APIP: variants seen among roughly 807,000 people sequenced by gnomAD.
APIP encodes the protein methylthioribulose-1-phosphate dehydratase.
Under a neutral mutation model 32.0 loss-of-function variants are expected in APIP, and 32 were observed. The observed-to-expected ratio is 1.00, with a 90% confidence interval of 0.76 to 1.34. The LOEUF (loss-of-function observed/expected upper bound fraction) is 1.34, where lower values mean the gene tolerates loss of function less well. Among genes scored for constraint, APIP ranks in the 40% most tolerant of loss-of-function variants. The probability of loss-of-function intolerance (pLI) is 0.00; values close to 1 mark genes in which losing one functional copy is unlikely to be tolerated. For missense variants in APIP, 247 were observed against 298.6 expected, an observed-to-expected ratio of 0.83 and a Z score of 1.27; for synonymous variants, 92 against 94.8, an observed-to-expected ratio of 0.97 and a Z score of 0.17.
intron 2 of APIP, 107 bp from the exon 3 acceptor site, chr11:34,890,659 C>A (rs1034242977): frequency 8.7e-7 from 1 of 1,152,594 alleles, no homozygotes; most frequent in Non-Finnish European, 1.2e-6. Context: ...AGCAATACAG[C>A]CAGTTGCTTG....
At chr11:34,909,951 T>C (rs2133923349) in intron 1 of APIP, among the ~76,000 whole-genome samples, 1 of 152,278 alleles carries the variant, frequency 6.6e-6, no homozygotes, top group East Asian at 1.9e-4. Context: ...TGACTTCTAT[T>C]GTCTTCAGTA....
chr11:34,900,572 C>T (rs923344021), intron 1 of APIP, among the ~76,000 whole-genome samples: 3 of 152,082 alleles, frequency 2.0e-5, no homozygotes, highest in Non-Finnish European at 4.4e-5. Context: ...AGGGATGTTA[C>T]GTTGCTGCTA....
Position 34,894,397 on chromosome 11 carries a change from A to C in APIP, c.158+613T>G, listed in dbSNP as rs1294608840. ...CTTTGAAATATGTATCTGGGAGGTC[A>C]AGGCAGGTGGGTTGCTTGAGCCTAG... On this transcript the variant is annotated intron_variant, in intron 2 of 6. Coordinates refer to ENST00000395787, the MANE Select transcript of APIP (RefSeq NM_015957.4). 6.2e-5 allele frequency among the ~76,000 whole-genome samples: 9 copies of C among 144,172 alleles called. No homozygotes were observed. The Admixed American group carries it at 6.8e-4, about 11-fold the overall frequency. 94.6% of individuals were successfully genotyped at this position (144,172 alleles called of 152,430 possible).
chr11:34,896,683 GT>G, intron 1 of APIP: 1 of 971,334 alleles, frequency 1.0e-6, no homozygotes, highest in Non-Finnish European at 1.4e-6. Context: ...TAACAAACCT[GT>G]AAGTTCTGCA....
At chr11:34,899,622 T>C (rs904619249) in intron 1 of APIP, among the ~76,000 whole-genome samples, 1 of 152,212 alleles carries the variant, frequency 6.6e-6, no homozygotes, top group Non-Finnish European at 1.5e-5. Context: ...GATCTGTTTT[T>C]TTTAGGGAGG....
At chr11:34,893,273 T>A (rs1459875845) in intron 2 of APIP, among the ~76,000 whole-genome samples, 1 of 152,228 alleles carries the variant, frequency 6.6e-6, no homozygotes, top group African/African-American at 2.4e-5. Context: ...CACCTATTTT[T>A]AACTTTGCTA....
At chr11:34,885,165 C>T (rs1853043928) in intron 5 of APIP, among the ~76,000 whole-genome samples, 1 of 146,896 alleles carries the variant, frequency 6.8e-6, no homozygotes, top group Admixed American at 6.8e-5. Flanking sequence ...TATAGGTATA[C>T]ATGTATAACT....
intron 1 of APIP, among the ~76,000 whole-genome samples, chr11:34,896,354 A>C (rs1320409026): frequency 6.6e-6 from 1 of 152,234 alleles, no homozygotes; most frequent in Non-Finnish European, 1.5e-5. Flanking sequence ...TGGATAAAGA[A>C]AATGTGACAC....
chr11:34,883,186 T>C, intron 6 of APIP, 151 bp downstream of exon 6: 1 of 832,866 alleles, frequency 1.2e-6, no homozygotes, highest in Non-Finnish European at 1.8e-6. Context: ...GCTCATCCAA[T>C]CAATACTTCT....
At chr11:34,915,957 T>A (rs533694285) in intron 1 of APIP, 1 of 561,478 alleles carries the variant, frequency 1.8e-6, no homozygotes, top group African/African-American at 2.0e-5. Flanking sequence ...ACCTAAACGC[T>A]CTCCTCTCTC....
At chr11:34,888,619 T>C in intron 4 of APIP, 133 bp downstream of exon 4, 3 of 1,099,880 alleles carry the variant, frequency 2.7e-6, no homozygotes, top group Non-Finnish European at 2.6e-6. Flanking sequence ...ATGTGAGAAC[T>C]GAGTAAGTTC....
chr11:34,907,133 G>A (rs1211110304), intron 1 of APIP, among the ~76,000 whole-genome samples: 3 of 152,178 alleles, frequency 2.0e-5, no homozygotes, highest in Non-Finnish European at 2.9e-5. Flanking sequence ...ATCTCCTCAG[G>A]AAGGGAATAT....
intron 1 of APIP, among the ~76,000 whole-genome samples, chr11:34,904,512 T>C (rs1853413270): frequency 6.6e-6 from 1 of 152,238 alleles, no homozygotes; most frequent in Non-Finnish European, 1.5e-5. Flanking sequence ...TTTGAGATGC[T>C]GTACAGATGG....
chr11:34,897,566 T>C (rs1317257045), intron 1 of APIP, among the ~76,000 whole-genome samples: 1 of 97,974 alleles, frequency 1.0e-5, no homozygotes, highest in Non-Finnish European at 1.9e-5. Context: ...CTTAGTAAGG[T>C]TTTTTTTTTT....
At position 34,883,494 on chromosome 11, in the gene APIP, TATC is replaced by T. The variant is rs772747970; in HGVS notation, c.469_471del (p.Asp157del). 5.0e-6 allele frequency: 8 copies of T among 1,613,296 alleles called. No individual in the cohort carries two copies. The African/African-American group carries it at 9.3e-5, about 19-fold the overall frequency. On this transcript the variant is annotated inframe_deletion, in exon 6 of 7. Transcript: ENST00000395787. ...TTCTCAATAATGGGTACCACTAACA[TATC>T]ATCATATCTGTAAGACAAAACAAGC... is the stretch of plus-strand genomic sequence containing the variant.
chr11:34,888,891 AG>A (rs1281132620), intron 3 of APIP, 22 bp from the exon 4 acceptor site: 5 of 1,338,726 alleles, frequency 3.7e-6, no homozygotes, highest in Admixed American at 5.7e-5. Flanking sequence ...GGGGAAAAAA[AG>A]AAAAAAAGAA....
At chr11:34,884,315 A>G (rs1261181017) in intron 5 of APIP, among the ~76,000 whole-genome samples, 2 of 152,246 alleles carry the variant, frequency 1.3e-5, no homozygotes, top group African/African-American at 2.4e-5. Context: ...TTGCTACTGT[A>G]GGGCAAGCAC....
chr11:34,911,110 A>T, intron 1 of APIP, among the ~76,000 whole-genome samples: 1 of 152,312 alleles, frequency 6.6e-6, no homozygotes, highest in Admixed American at 6.5e-5. Context: ...ACACTAATTC[A>T]TATAGTTGAA....
chr11:34,897,129 T>C (rs1853286351), intron 1 of APIP, among the ~76,000 whole-genome samples: 1 of 152,260 alleles, frequency 6.6e-6, no homozygotes, highest in African/African-American at 2.4e-5. Context: ...TGTGGTGTTT[T>C]TCCCCAGATT....
Sources: allele counts gnomAD v4.1 joint callset (sites outside exome capture counted in the v4.1 genomes callset), GRCh38; gene constraint gnomAD v4.1.1; transcripts MANE v1.5; gene names NCBI Gene and HGNC (gene_info 2026-07-23, HGNC 2026-07-21).